Variants in TMEM45A observed in about 807,000 individuals in gnomAD.
The protein encoded by TMEM45A is transmembrane protein 45A.
In TMEM45A, 25 loss-of-function variants were observed where a neutral mutation model predicts 32.0. The ratio of observed to expected loss-of-function variants is 0.78; its 90% CI spans 0.57 to 1.09. The LOEUF (loss-of-function observed/expected upper bound fraction) is 1.09, where lower values mean the gene tolerates loss of function less well. Among genes scored for constraint, TMEM45A ranks in the 50% least tolerant of loss-of-function variants. The probability of loss-of-function intolerance (pLI) is 0.00; values close to 1 mark genes in which losing one functional copy is unlikely to be tolerated. For synonymous variants in TMEM45A, 122 were observed against 114.8 expected, an observed-to-expected ratio of 1.06 and a Z score of -0.40; for missense variants, 302 against 325.0, an observed-to-expected ratio of 0.93 and a Z score of 0.54.
At chr3:100,559,873 G>A (rs958584402) in intron 4 of TMEM45A, among the ~76,000 whole-genome samples, 5 of 151,984 alleles carry the variant, frequency 3.3e-5, no homozygotes, top group African/African-American at 9.7e-5. Context: ...AAACAATAAA[G>A]TAGAAAACAC....
At chr3:100,556,129 T>C (rs1706217040) in intron 2 of TMEM45A, among the ~76,000 whole-genome samples, 1 of 152,134 alleles carries the variant, frequency 6.6e-6, no homozygotes, top group African/African-American at 2.4e-5. Context: ...TACAAGCACC[T>C]ACCACCACAC....
chr3:100,544,682 A>G (rs147274117), intron 1 of TMEM45A, among the ~76,000 whole-genome samples: 5 of 152,110 alleles, frequency 3.3e-5, no homozygotes, highest in South Asian at 4.1e-4. Flanking sequence ...AGGTTTTTGC[A>G]TGTATCAGTA....
intron 1 of TMEM45A, among the ~76,000 whole-genome samples, chr3:100,494,921 A>T (rs1330464278): frequency 6.6e-6 from 1 of 152,190 alleles, no homozygotes; most frequent in East Asian, 1.9e-4. Flanking sequence ...TGTGCTAATA[A>T]TAATGGCACC....
In TMEM45A at chr3:100,514,106, C is replaced by T. The variant is rs536231267; in HGVS notation, c.-4+21178C>T. ...CTATCAAGCTACCAATGACTTTCTT[C>T]ACAGAATTGAAAAAACTACTTTAAA... On this transcript the variant is annotated intron_variant, in intron 1 of 5. Transcript: ENST00000323523. 3.9e-5 allele frequency among the ~76,000 whole-genome samples: 6 copies of T among 152,282 alleles called. No homozygotes were observed. In the South Asian group the frequency reaches 1.2e-3, roughly 32 times the overall value.
chr3:100,514,740 A>T (rs1466509040), intron 1 of TMEM45A, among the ~76,000 whole-genome samples: 8 of 152,160 alleles, frequency 5.3e-5, no homozygotes, highest in African/African-American at 7.2e-5. Context: ...GACAAAGGGC[A>T]AATATCCAGA....
chr3:100,515,002 A>C (rs1264879771), intron 1 of TMEM45A, among the ~76,000 whole-genome samples: 2 of 150,844 alleles, frequency 1.3e-5, no homozygotes, highest in African/African-American at 4.9e-5. Context: ...GACGTGGAGA[A>C]ATAGGAACAC....
intron 1 of TMEM45A, among the ~76,000 whole-genome samples, chr3:100,513,443 T>C (rs1185376643): frequency 6.7e-6 from 1 of 150,044 alleles, no homozygotes; most frequent in Non-Finnish European, 1.5e-5. Flanking sequence ...TGCTAAAAAC[T>C]CTCAATAAAT....
At chr3:100,552,621 A>G (rs1400304317) in intron 1 of TMEM45A, among the ~76,000 whole-genome samples, 3 of 152,216 alleles carry the variant, frequency 2.0e-5, no homozygotes, top group Non-Finnish European at 4.4e-5. Flanking sequence ...CTTTTAGGAT[A>G]ACTAAAATTA....
chr3:100,575,045 A>T (rs1302762793), intron 5 of TMEM45A, among the ~76,000 whole-genome samples: 1 of 152,216 alleles, frequency 6.6e-6, no homozygotes, highest in Non-Finnish European at 1.5e-5. Context: ...ATCAGAAAAA[A>T]TATAGCAGAA....
At chr3:100,505,556 T>A (rs1225514719) in intron 1 of TMEM45A, among the ~76,000 whole-genome samples, 1 of 152,220 alleles carries the variant, frequency 6.6e-6, no homozygotes, top group Non-Finnish European at 1.5e-5. Flanking sequence ...GATTCTGGCA[T>A]AGGTGGTCCA....
chr3:100,566,890 C>G (rs1706452499), intron 4 of TMEM45A, among the ~76,000 whole-genome samples: 1 of 151,986 alleles, frequency 6.6e-6, no homozygotes, highest in Non-Finnish European at 1.5e-5. Context: ...GATATAATCT[C>G]ATCGGATATA....
chr3:100,522,897 A>G (rs1024658243), intron 1 of TMEM45A, among the ~76,000 whole-genome samples: 24 of 152,190 alleles, frequency 1.6e-4, no homozygotes, highest in African/African-American at 5.8e-4. Flanking sequence ...AGGATGTTGT[A>G]AGTTTGGGAG....
At chr3:100,537,236 A>G (rs1163818200) in intron 1 of TMEM45A, among the ~76,000 whole-genome samples, 1 of 152,036 alleles carries the variant, frequency 6.6e-6, no homozygotes, top group African/African-American at 2.4e-5. Context: ...ATAGGTTTTT[A>G]AAGGAAAATG....
chr3:100,516,175 C>T (rs1708258890), intron 1 of TMEM45A, among the ~76,000 whole-genome samples: 1 of 152,152 alleles, frequency 6.6e-6, no homozygotes, highest in Non-Finnish European at 1.5e-5. Context: ...TGAGAGCTCT[C>T]TGCTTTTATC....
intron 4 of TMEM45A, among the ~76,000 whole-genome samples, chr3:100,568,039 C>A (rs755852030): frequency 1.3e-5 from 2 of 152,182 alleles, no homozygotes; most frequent in Non-Finnish European, 1.5e-5. Flanking sequence ...CCCACCTCGG[C>A]CTCCCAAAGT....
At chr3:100,514,077 A>G (rs1576263096) in intron 1 of TMEM45A, among the ~76,000 whole-genome samples, 1 of 152,370 alleles carries the variant, frequency 6.6e-6, no homozygotes, top group East Asian at 1.9e-4. Context: ...ATTCAATGCC[A>G]TCCCTATCAA....
chr3:100,508,269 C>G (rs1022584644), intron 1 of TMEM45A, among the ~76,000 whole-genome samples: 4 of 152,120 alleles, frequency 2.6e-5, no homozygotes, highest in Admixed American at 2.6e-4. Context: ...GGGTCACACA[C>G]ATAGCCCAAG....
chr3:100,577,087 G>A lies in TMEM45A; in HGVS notation c.*69G>A, dbSNP rs762089997. 4 of 1,347,624 alleles carry A rather than the reference G, an allele frequency of 3.0e-6. No individual in the cohort carries two copies. The highest frequency in any genetic ancestry group is 3.8e-5 in the Admixed American group (2 of 52,532). 83.5% of individuals were successfully genotyped at this position (1,347,624 alleles called of 1,614,324 possible). ...TACATTGTTCTTGGTTTTGTTTCTC[G>A]ATCTTTTGTTTGGAGAACAGCTGGC... On this transcript the variant is annotated 3_prime_UTR_variant, in exon 6 of 6. Transcript: ENST00000323523.
At chr3:100,531,645 G>A (rs899181881) in intron 1 of TMEM45A, among the ~76,000 whole-genome samples, 1 of 152,172 alleles carries the variant, frequency 6.6e-6, no homozygotes, top group Non-Finnish European at 1.5e-5. Flanking sequence ...ATTATCAAGG[G>A]TTAAGGAAGA....
Sources: gnomAD v4.1 joint callset for allele counts (sites outside exome capture counted in the v4.1 genomes callset) on GRCh38, gnomAD v4.1.1 for gene constraint, MANE v1.5 for transcripts, NCBI Gene and HGNC (gene_info 2026-07-23, HGNC 2026-07-21) for gene names.